Variants in NMNAT1 observed in about 807,000 individuals in gnomAD.
NMNAT1 encodes the protein nicotinamide nucleotide adenylyltransferase 1.
NMNAT1 carries 11 observed loss-of-function variants against 16.7 expected under a neutral mutation model. The observed-to-expected ratio is 0.66, with a 90% CI of 0.41 to 1.09. The LOEUF (loss-of-function observed/expected upper bound fraction) is 1.09. NMNAT1 is among the 50% of genes least tolerant of loss of function. The pLI is 0.00. For synonymous variants in NMNAT1, 110 were observed against 119.8 expected, an observed-to-expected ratio of 0.92 and a Z score of 0.53; for missense variants, 280 against 332.3, an observed-to-expected ratio of 0.84 and a Z score of 1.22.
chr1:9,954,283 C>T (rs545794554), intron 1 of NMNAT1, among the ~76,000 whole-genome samples: 1 of 152,128 alleles, frequency 6.6e-6, no homozygotes, highest in East Asian at 1.9e-4. Flanking sequence ...TGACATGACT[C>T]ACTGCACCCT....
rs1182606404 is a variant in NMNAT1 at position 9,985,434 on chromosome 1, G to A, written c.*2733G>A. The A allele has an allele frequency of 6.6e-6, 1 of 152,178 alleles. No individual in the cohort carries two copies. Among genetic ancestry groups the A allele is most frequent in the African/African-American group, 2.4e-5 (1 of 41,436 alleles). 9.4% of individuals were successfully genotyped at this position (152,178 alleles called of 1,614,324 possible). The stretch of plus-strand genomic sequence containing the variant: ...AAAATATTACTTTTCAAAGAATGAA[G>A]TTGTAGCCAAATCTTGAAATTTTTC... On this transcript the variant is annotated 3_prime_UTR_variant, in exon 5 of 5. Coordinates refer to ENST00000377205, the MANE Select transcript of NMNAT1 (RefSeq NM_022787.4).
chr1:9,959,542 G>T (rs1285845570), intron 1 of NMNAT1, among the ~76,000 whole-genome samples: 1 of 151,766 alleles, frequency 6.6e-6, no homozygotes, highest in African/African-American at 2.4e-5. Flanking sequence ...TTAGCTGGGC[G>T]TGGTGGCATG....
At chr1:9,982,208 C>T in intron 4 of NMNAT1, 93 bp from the exon 5 acceptor site, 1 of 1,448,486 alleles carries the variant, frequency 6.9e-7, no homozygotes, top group Non-Finnish European at 9.3e-7. Context: ...CATTTTGATA[C>T]AGTGGGTTAT....
In NMNAT1 at chr1:9,982,792, G is replaced by A; in HGVS notation, c.*91G>A. ...CTGGGGAAAGAAGTTGTGATCTGTT[G>A]CCTAAACTAAAGCTTAAAAGTTTAG... is the stretch of plus-strand genomic sequence containing the variant. On this transcript the variant is annotated 3_prime_UTR_variant, in exon 5 of 5. Transcript: ENST00000377205. 7.5e-7 allele frequency: 1 copy of A among 1,338,914 alleles called. No homozygotes were observed. Among genetic ancestry groups the A allele is most frequent in the Non-Finnish European group, 1.0e-6 (1 of 983,542 alleles). 82.9% of individuals were successfully genotyped at this position (1,338,914 alleles called of 1,614,324 possible).
downstream of NMNAT1, among the ~76,000 whole-genome samples, chr1:9,986,541 G>A (rs75932280): frequency 0.018 from 2,734 of 152,194 alleles, 78 homozygotes; most frequent in African/African-American, 0.061. Context: ...AGAACAGCCC[G>A]CGTAACATAG....
chr1:9,950,062 G>A (rs1641072490), intron 1 of NMNAT1: 1 of 152,056 alleles, frequency 6.6e-6, no homozygotes, highest in Admixed American at 6.6e-5. Flanking sequence ...TCCATTGTCA[G>A]TGAGTGCTCA....
chr1:9,968,964 A>G (rs1038837077), intron 1 of NMNAT1, among the ~76,000 whole-genome samples: 4 of 151,272 alleles, frequency 2.6e-5, no homozygotes, highest in African/African-American at 4.9e-5. Flanking sequence ...AAAGCCAAAG[A>G]AAAAACCTGG....
the NMNAT1 span, among the ~76,000 whole-genome samples, chr1:9,994,001 C>T: frequency 6.6e-6 from 1 of 151,614 alleles, no homozygotes; most frequent in Admixed American, 6.6e-5. Flanking sequence ...CTCTCTATGC[C>T]TCAGTTTTTA....
Position 9,975,788 on chromosome 1 carries a change from T to C in NMNAT1, c.299+13T>C, listed in dbSNP as rs745983431. ...TGAAGGTGCTAAGGTATTTATGGTG[T>C]AATCAACTTTGTCAGTTCTGTGTAA... On this transcript the variant is annotated intron_variant, in intron 3 of 4. Coordinates refer to ENST00000377205, the MANE Select transcript of NMNAT1 (RefSeq NM_022787.4). 7 of 1,597,790 alleles carry C rather than the reference T, an allele frequency of 4.4e-6. No individual in the cohort carries two copies. Among genetic ancestry groups the C allele is most frequent in the East Asian group, 2.2e-5 (1 of 44,760 alleles).
intron 3 of NMNAT1, among the ~76,000 whole-genome samples, chr1:9,977,899 A>AGTCAGGGTCACTCCTCCGAT (rs1641850654): frequency 6.6e-6 from 1 of 152,054 alleles, no homozygotes. Flanking sequence ...GAGAAGTGGA[A>AGTCAGGGTCACTCCTCCGAT]GTCAGGGTCA....
chr1:9,976,213 G>A (rs115346509), intron 3 of NMNAT1, among the ~76,000 whole-genome samples: 2,183 of 151,756 alleles, frequency 0.014, 39 homozygotes, highest in African/African-American at 0.036. Flanking sequence ...CTTGAACCCC[G>A]GGGATGGAGG....
At chr1:9,970,812 A>G (rs1262566387) in intron 1 of NMNAT1, among the ~76,000 whole-genome samples, 2 of 152,204 alleles carry the variant, frequency 1.3e-5, no homozygotes, top group East Asian at 1.9e-4. Flanking sequence ...ATTATATTCT[A>G]TTATTTAGTG....
rs1396934677 is a variant in NMNAT1 at position 9,962,687 on chromosome 1, T to TG, written c.-56-9331_-56-9330insG. Among the ~76,000 whole-genome samples the TG allele has an allele frequency of 9.1e-5, 12 of 131,756 alleles. No individual in the cohort carries two copies. In the South Asian group the frequency reaches 1.1e-3, roughly 12 times the overall value. The allele number at this position is 131,756 out of a possible 152,430, so 86.4% of individuals were successfully genotyped here. A position where few individuals can be genotyped will look rare whatever the true frequency, so the allele number is the denominator to read the frequency against. ...CACAACCAAATAAGGGTTTTTTTTTTTTTTTTTTTTTTGAGACGGAGTCTT... is the reference window on the plus strand; with the variant it reads ...CACAACCAAATAAGGGTTTTTTTTTTGTTTTTTTTTTTTGAGACGGAGTCTT... On this transcript the variant is annotated intron_variant, in intron 1 of 4. Coordinates refer to ENST00000377205, the MANE Select transcript of NMNAT1 (RefSeq NM_022787.4).
At chr1:9,987,144 G>A (rs1557478652), downstream of NMNAT1, among the ~76,000 whole-genome samples, 1 of 151,782 alleles carries the variant, frequency 6.6e-6, no homozygotes, top group Non-Finnish European at 1.5e-5. Context: ...GTTGCAGTGA[G>A]CCCTGATCAT....
At chr1:9,990,261 C>T (rs1642093406), downstream of NMNAT1, among the ~76,000 whole-genome samples, 1 of 152,112 alleles carries the variant, frequency 6.6e-6, no homozygotes, top group African/African-American at 2.4e-5. Flanking sequence ...TGAGTCAACA[C>T]TGTCATCGGG....
intron 1 of NMNAT1, among the ~76,000 whole-genome samples, chr1:9,955,300 A>C (rs1228003336): frequency 2.0e-5 from 3 of 150,324 alleles, no homozygotes; most frequent in Non-Finnish European, 3.0e-5. Flanking sequence ...GCTACTCGGG[A>C]GGCTGAGGCA....
In NMNAT1 at chr1:9,982,415, G is replaced by T. The variant is rs773858787; in HGVS notation, c.554G>T (p.Cys185Phe). The change falls in exon 5 of 5, where the codon TGT (cysteine) becomes TTT (phenylalanine). Residue 185 changes from cysteine (C) to phenylalanine (F), a missense_variant. Transcript: ENST00000377205. ...TQIVANYGLI[C>F]VTRAGNDAQK... The stretch of plus-strand genomic sequence containing the variant: ...ATCGTGGCCAACTATGGGCTCATAT[G>T]TGTTACTCGGGCTGGAAATGATGCT... The T allele has an allele frequency of 6.2e-7, 1 of 1,614,142 alleles. No homozygotes were observed. Among genetic ancestry groups the T allele is most frequent in the East Asian group, 2.2e-5 (1 of 44,886 alleles).
At chr1:9,970,463 G>A (rs987397749) in intron 1 of NMNAT1, among the ~76,000 whole-genome samples, 1 of 152,078 alleles carries the variant, frequency 6.6e-6, no homozygotes, top group Non-Finnish European at 1.5e-5. Flanking sequence ...GGGAAGCTGA[G>A]GCAGGCGGAT....
intron 1 of NMNAT1, among the ~76,000 whole-genome samples, chr1:9,945,094 CGTG>C (rs893250089): frequency 1.8e-4 from 28 of 152,036 alleles, no homozygotes; most frequent in African/African-American, 6.8e-4. Context: ...ATTAACCAGG[CGTG>C]GTGGTCCATG....
Sources: gnomAD v4.1 joint callset for allele counts (sites outside exome capture counted in the v4.1 genomes callset) on GRCh38, gnomAD v4.1.1 for gene constraint, MANE v1.5 for transcripts, NCBI Gene and HGNC (gene_info 2026-07-23, HGNC 2026-07-21) for gene names.